Variants in ART3 observed in about 807,000 individuals in gnomAD.
ART3 encodes ecto-ADP-ribosyltransferase 3.
ART3 carries 49 observed loss-of-function variants against 48.5 expected under a neutral mutation model. The observed-to-expected ratio is 1.01, with a 90% CI of 0.80 to 1.28. The LOEUF (loss-of-function observed/expected upper bound fraction) is 1.28. Ranked by LOEUF, ART3 falls within the 50% of genes most tolerant of loss-of-function variation. The probability of loss-of-function intolerance (pLI) is 0.00; values close to 1 mark genes in which losing one functional copy is unlikely to be tolerated. For synonymous variants in ART3, 145 were observed against 157.2 expected (o/e 0.92, Z 0.58); for missense variants, 438 against 454.3 (o/e 0.96, Z 0.33).
intron 8 of ART3, among the ~76,000 whole-genome samples, chr4:76,103,312 G>A (rs1309899921): frequency 1.3e-5 from 2 of 151,964 alleles, no homozygotes; most frequent in Admixed American, 6.6e-5. Context: ...AGTTATGATC[G>A]TGTCATTGTA....
At chr4:76,053,192 G>A (rs542603028) in intron 1 of ART3, among the ~76,000 whole-genome samples, 4 of 152,262 alleles carry the variant, frequency 2.6e-5, no homozygotes, top group African/African-American at 9.6e-5. Flanking sequence ...TGTTCATGCT[G>A]ATCACGTACA....
chr4:76,053,678 A>G (rs1475525883), intron 1 of ART3, among the ~76,000 whole-genome samples: 1 of 152,242 alleles, frequency 6.6e-6, no homozygotes, highest in Non-Finnish European at 1.5e-5. Flanking sequence ...GTAAAATTCA[A>G]AGTCGCATAT....
chr4:76,097,809 A>C, intron 4 of ART3, 133 bp downstream of exon 4: 2 of 737,958 alleles, frequency 2.7e-6, no homozygotes, highest in Non-Finnish European at 4.5e-6. Flanking sequence ...AAATTGTGCT[A>C]CTACTGCTAG....
rs1729253336 is a variant in ART3, at chr4:76,110,364, CTATTT to C, written c.1037-2016_1037-2012del. 2.0e-5 allele frequency among the ~76,000 whole-genome samples: 3 copies of C among 152,252 alleles called. No individual in the cohort carries two copies. In the South Asian group the frequency reaches 6.2e-4, roughly 32 times the overall value. Reference sequence around the variant, plus strand: ...TAGGTATATGCAAATACTGTGTATGCTATTTTATTTATTTATGTATGCTATTTTAT... The same window carrying C: ...TAGGTATATGCAAATACTGTGTATGCTATTTATTTATGTATGCTATTTTAT... On this transcript the variant is annotated intron_variant, in intron 11 of 11. Transcript: ENST00000355810.
chr4:76,095,656 T>C (rs1407573780), intron 3 of ART3, among the ~76,000 whole-genome samples: 1 of 152,230 alleles, frequency 6.6e-6, no homozygotes, highest in Non-Finnish European at 1.5e-5. Context: ...GCAATAATAG[T>C]CCTGGCTATG....
intron 1 of ART3, chr4:76,021,230 C>G (rs1732776140): frequency 6.6e-6 from 1 of 152,180 alleles, no homozygotes; most frequent in African/African-American, 2.4e-5. Flanking sequence ...GCACATTTAT[C>G]TTATGTAACA....
upstream of ART3, among the ~76,000 whole-genome samples, chr4:76,070,157 TTTCTTTTAAGTATAATGAATTCCTG>T (rs60798810): frequency 0.61 from 92,117 of 150,914 alleles, 29,172 homozygotes; most frequent in East Asian, 0.94. Flanking sequence ...ACTTTAATAA[TTTCTTTTAAGTATAATGAATTCCTG>T]TTCTTTTAAG....
At chr4:76,044,486 A>G (rs1200113403) in intron 1 of ART3, among the ~76,000 whole-genome samples, 1 of 152,090 alleles carries the variant, frequency 6.6e-6, no homozygotes, top group African/African-American at 2.4e-5. Flanking sequence ...GAAGATCCAC[A>G]TAAGTAGAAT....
chr4:76,079,446 G>A (rs937837039), intron 2 of ART3, among the ~76,000 whole-genome samples: 3 of 152,208 alleles, frequency 2.0e-5, no homozygotes, highest in Non-Finnish European at 4.4e-5. Context: ...ACATTCAAGT[G>A]GAGGTGTTAA....
At chr4:76,086,683 A>G (rs1288253945) in intron 3 of ART3, among the ~76,000 whole-genome samples, 1 of 152,224 alleles carries the variant, frequency 6.6e-6, no homozygotes, top group African/African-American at 2.4e-5. Context: ...ATCCATATGT[A>G]TTTCATGGTT....
chr4:76,070,182 GTTCTTTTAAGTATAATGAATTC>G (rs2149501242), upstream of ART3, among the ~76,000 whole-genome samples: 1 of 32,590 alleles, frequency 3.1e-5, no homozygotes, highest in East Asian at 0.01. Flanking sequence ...ATGAATTCCT[GTTCTTTTAAGTATAATGAATTC>G]CTGTAAGTAG....
Position 76,052,714 on chromosome 4 carries a change from C to CTTTTTTTTTTTT in ART3, c.-9-23167_-9-23166insTTTTTTTTTTTT, listed in dbSNP as rs10644249. Among the ~76,000 whole-genome samples the CTTTTTTTTTTTT allele has an allele frequency of 2.1e-5, 3 of 142,634 alleles. 1 individual carries two copies. The highest frequency in any genetic ancestry group is 7.3e-5 in the Admixed American group (1 of 13,682). 93.6% of individuals were successfully genotyped at this position (142,634 alleles called of 152,430 possible). On this transcript the variant is annotated intron_variant, in intron 1 of 9. Transcript: ENST00000341029. ...CATGCGTGTACCCAATTTCTTTTTT[C>CTTTTTTTTTTTT]CTTCTTTTTTTTTTTTTTAAGACAG...
intron 3 of ART3, 57 bp from the exon 4 acceptor site, chr4:76,097,587 A>C: frequency 7.1e-7 from 1 of 1,408,194 alleles, no homozygotes; most frequent in Non-Finnish European, 1.0e-6. Context: ...AGATTAATTG[A>C]AATATTTACT....
intron 1 of ART3, among the ~76,000 whole-genome samples, chr4:76,020,191 G>A (rs1732666041): frequency 6.6e-6 from 1 of 151,298 alleles, no homozygotes; most frequent in South Asian, 2.1e-4. Flanking sequence ...CAGTGGTGCA[G>A]TCATAGCTCA....
chr4:76,035,437 A>C, intron 1 of ART3: 1 of 1,279,754 alleles, frequency 7.8e-7, no homozygotes, highest in South Asian at 1.4e-5. Context: ...AATTTTCATT[A>C]AGGGTAAAGA....
intron 1 of ART3, among the ~76,000 whole-genome samples, chr4:76,064,674 G>A (rs1370863276): frequency 6.6e-6 from 1 of 152,150 alleles, no homozygotes; most frequent in East Asian, 1.9e-4. Context: ...GAGGTGAAAG[G>A]CAGAAAGGAG....
At chr4:76,102,326 T>A (rs976157148) in intron 8 of ART3, among the ~76,000 whole-genome samples, 6 of 152,166 alleles carry the variant, frequency 3.9e-5, no homozygotes, top group Admixed American at 3.9e-4. Flanking sequence ...TGTTATTTCT[T>A]TCTCCTGATT....
In ART3 at chr4:76,044,141, C is replaced by T. The variant is rs892899660; in HGVS notation, c.-9-31740C>T. Among the ~76,000 whole-genome samples the T allele has an allele frequency of 7.9e-5, 12 of 152,072 alleles. No homozygotes were observed. The East Asian group carries it at 9.7e-4, about 12-fold the overall frequency. ...AGGTTAAAAATACAGGGCCCAAAAGCGAGTAACAGCAAGATGGCTGCCATG... is the reference window on the plus strand; with the variant it reads ...AGGTTAAAAATACAGGGCCCAAAAGTGAGTAACAGCAAGATGGCTGCCATG... On this transcript the variant is annotated intron_variant, in intron 1 of 9. Transcript: ENST00000341029.
rs551516325 is a variant in ART3, at chr4:76,049,487, C to T, written c.-9-26394C>T. ...GCTCAGCCCAGAAGTACAGGAAAAG[C>T]GGAAGCTGGTTCTAGGCAAACCAAC... is the stretch of plus-strand genomic sequence containing the variant. On this transcript the variant is annotated intron_variant, in intron 1 of 9. Transcript: ENST00000341029. 7.2e-5 allele frequency among the ~76,000 whole-genome samples: 11 copies of T among 151,960 alleles called. 1 individual carries two copies. The South Asian group carries it at 1.5e-3, about 20-fold the overall frequency.
Sources: allele counts gnomAD v4.1 joint callset (sites outside exome capture counted in the v4.1 genomes callset), GRCh38; gene constraint gnomAD v4.1.1; transcripts MANE v1.5; gene names NCBI Gene and HGNC (gene_info 2026-07-23, HGNC 2026-07-21).